The following PIK3C2G variants were observed in gnomAD, a reference collection of about 807,000 sequenced individuals.
The protein encoded by PIK3C2G is phosphatidylinositol 3-kinase C2 domain-containing subunit gamma.
Under a neutral mutation model 181.1 loss-of-function variants are expected in PIK3C2G, and 168 were observed. The ratio of observed to expected loss-of-function variants is 0.93; its 90% CI spans 0.82 to 1.05. The LOEUF (loss-of-function observed/expected upper bound fraction) is 1.05, where lower values mean the gene tolerates loss of function less well. Among genes scored for constraint, PIK3C2G ranks in the 50% least tolerant of loss-of-function variants. PIK3C2G has a pLI of 0.00. For missense variants in PIK3C2G, 1,869 were observed against 1,732.8 expected (o/e 1.08, Z -1.40); for synonymous variants, 573 against 592.2 (o/e 0.97, Z 0.47).
chr12:18,520,925 G>T (rs954693661), intron 24 of PIK3C2G, among the ~76,000 whole-genome samples: 2 of 152,126 alleles, frequency 1.3e-5, no homozygotes, highest in Non-Finnish European at 2.9e-5. Flanking sequence ...TGGGGTTTTT[G>T]TGGGGACCTT....
chr12:18,495,807 A>G (rs1940956164), intron 20 of PIK3C2G, among the ~76,000 whole-genome samples: 4 of 152,138 alleles, frequency 2.6e-5, no homozygotes, highest in Admixed American at 6.5e-5. Flanking sequence ...ACTGAGGAAA[A>G]AACGTGGTTG....
chr12:18,708,773 G>C, the PIK3C2G span, among the ~76,000 whole-genome samples: 1 of 152,116 alleles, frequency 6.6e-6, no homozygotes, highest in African/African-American at 2.4e-5. Context: ...ATAATGTTGA[G>C]TACCTTTTCA....
intron 18 of PIK3C2G, among the ~76,000 whole-genome samples, chr12:18,450,034 T>C (rs1947262338): frequency 6.6e-6 from 1 of 152,260 alleles, no homozygotes; most frequent in African/African-American, 2.4e-5. Context: ...TAATAACCAG[T>C]GATGAGCTTT....
chr12:18,714,819 T>A, the PIK3C2G span: 2 of 152,042 alleles, frequency 1.3e-5, no homozygotes, highest in African/African-American at 4.8e-5. Flanking sequence ...CATTCTGCAA[T>A]GCACAGGACA....
intron 29 of PIK3C2G, among the ~76,000 whole-genome samples, chr12:18,581,436 GTTTA>G (rs1036704742): frequency 3.3e-5 from 5 of 152,234 alleles, no homozygotes; most frequent in African/African-American, 9.6e-5. Context: ...AATCCCAAAC[GTTTA>G]TTTATTTATT....
intron 3 of PIK3C2G, among the ~76,000 whole-genome samples, chr12:18,287,842 C>A (rs1298193047): frequency 6.9e-6 from 1 of 145,978 alleles, no homozygotes; most frequent in Non-Finnish European, 1.5e-5. Context: ...GCCTGGGCGA[C>A]AGAATGAGAC....
chr12:18,558,885 A>G (rs940097658), intron 26 of PIK3C2G, among the ~76,000 whole-genome samples: 1 of 152,222 alleles, frequency 6.6e-6, no homozygotes, highest in African/African-American at 2.4e-5. Context: ...AATTACCATC[A>G]GAATTTTAGA....
chr12:18,673,929 T>C, the PIK3C2G span, among the ~76,000 whole-genome samples: 1 of 152,172 alleles, frequency 6.6e-6, no homozygotes, highest in Admixed American at 6.6e-5. Context: ...AGAAAACAAT[T>C]GTCTACTAGC....
intron 8 of PIK3C2G, among the ~76,000 whole-genome samples, chr12:18,329,362 C>T (rs1307376230): frequency 1.3e-5 from 2 of 151,898 alleles, no homozygotes; most frequent in African/African-American, 2.4e-5. Flanking sequence ...TTTGGTATCA[C>T]ACACCTGTTT....
At chr12:18,570,690 A>G (rs914648079) in intron 29 of PIK3C2G, among the ~76,000 whole-genome samples, 6 of 150,164 alleles carry the variant, frequency 4.0e-5, no homozygotes, top group African/African-American at 7.5e-5. Flanking sequence ...ATAGAGTTGA[A>G]TGGTGACTGA....
chr12:18,530,826 G>T (rs962410935), intron 24 of PIK3C2G, among the ~76,000 whole-genome samples: 1 of 152,062 alleles, frequency 6.6e-6, no homozygotes, highest in Admixed American at 6.6e-5. Context: ...CTTATGCCAT[G>T]ATTGTAGTTT....
rs76176741 is a variant in PIK3C2G at position 18,419,268 on chromosome 12, C to T, written c.2316-1673C>T. ...GTTGTGATGTTCCTTTTATACTCCT[C>T]TTTTGTCATTTCTATCAATAAGGTA... On this transcript the variant is annotated intron_variant, in intron 16 of 32. Transcript: ENST00000538779. Among the ~76,000 whole-genome samples the T allele has an allele frequency of 8.3e-3, 1,267 of 152,228 alleles. 6 individuals are homozygous for T. Among genetic ancestry groups the T allele is most frequent in the African/African-American group, 0.019 (785 of 41,546 alleles).
chr12:18,688,358 C>T, the PIK3C2G span: 14 of 819,882 alleles, frequency 1.7e-5, no homozygotes, highest in Non-Finnish European at 2.5e-5. Flanking sequence ...GAATACAATA[C>T]AAATTTTAAA....
chr12:18,441,729 A>G (rs142266452), intron 18 of PIK3C2G, among the ~76,000 whole-genome samples: 290 of 152,252 alleles, frequency 1.9e-3, no homozygotes, highest in African/African-American at 6.7e-3. Context: ...ATAGTAATAG[A>G]GAAGTCTAAG....
At chr12:18,252,297 A>C (rs1350398600) in intron 1 of PIK3C2G, among the ~76,000 whole-genome samples, 1 of 152,170 alleles carries the variant, frequency 6.6e-6, no homozygotes, top group African/African-American at 2.4e-5. Context: ...TATCAAATTG[A>C]CGCAACAGTA....
chr12:18,311,809 C>T (rs752024251), intron 5 of PIK3C2G, among the ~76,000 whole-genome samples: 2 of 151,874 alleles, frequency 1.3e-5, no homozygotes, highest in Non-Finnish European at 2.9e-5. Flanking sequence ...CTTACACTGT[C>T]ACAAGGTGAG....
At chr12:18,650,191 C>A (rs1241499455), downstream of PIK3C2G, among the ~76,000 whole-genome samples, 8 of 151,804 alleles carry the variant, frequency 5.3e-5, no homozygotes, top group African/African-American at 1.5e-4. Context: ...TATTAGGGTT[C>A]TTTTCCCCCA....
intron 26 of PIK3C2G, among the ~76,000 whole-genome samples, chr12:18,561,955 A>G (rs1188694759): frequency 6.6e-6 from 1 of 152,082 alleles, no homozygotes; most frequent in Non-Finnish European, 1.5e-5. Flanking sequence ...AAGTTGAGCC[A>G]TAAGTGTTAA....
chr12:18,646,809 AG>A (rs1950162058), intron 32 of PIK3C2G, among the ~76,000 whole-genome samples: 1 of 152,154 alleles, frequency 6.6e-6, no homozygotes, highest in East Asian at 1.9e-4. Flanking sequence ...CTAATTTCTT[AG>A]CGGTACTATG....
Sources: gnomAD v4.1 joint callset for allele counts (sites outside exome capture counted in the v4.1 genomes callset) on GRCh38, gnomAD v4.1.1 for gene constraint, MANE v1.5 for transcripts, NCBI Gene and HGNC (gene_info 2026-07-23, HGNC 2026-07-21) for gene names.